Variants in TAF1D observed in about 807,000 individuals in gnomAD.
TAF1D encodes the protein TATA box-binding protein-associated factor RNA polymerase I subunit D.
TAF1D carries 23 observed loss-of-function variants against 26.2 expected under a neutral mutation model. The ratio of observed to expected loss-of-function variants is 0.88; its 90% CI spans 0.63 to 1.25. The LOEUF (loss-of-function observed/expected upper bound fraction) is 1.25, where lower values mean the gene tolerates loss of function less well. Among genes scored for constraint, TAF1D ranks in the 50% most tolerant of loss-of-function variants. TAF1D has a pLI of 0.00. For synonymous variants in TAF1D, 100 were observed against 105.6 expected (o/e 0.95, Z 0.33); for missense variants, 299 against 322.0 (o/e 0.93, Z 0.55).
intron 1 of TAF1D, 136 bp downstream of exon 1, chr11:93,741,186 G>C (rs1024460958): frequency 2.6e-6 from 1 of 383,640 alleles, no homozygotes; most frequent in African/African-American, 2.1e-5. Flanking sequence ...GCCTGCGGCC[G>C]TGATCCCTTC....
downstream of TAF1D, chr11:93,730,862 C>G: frequency 2.3e-6 from 1 of 425,658 alleles, no homozygotes; most frequent in South Asian, 1.8e-5. Flanking sequence ...AATATAAAGG[C>G]AAAGCAAATT....
chr11:93,736,525 CTTT>C, intron 5 of TAF1D, 166 bp downstream of exon 5: 1 of 1,423,898 alleles, frequency 7.0e-7, no homozygotes, highest in Non-Finnish European at 9.2e-7. Flanking sequence ...ACCCCATGTT[CTTT>C]ATCAAGTCTC....
chr11:93,738,869 CA>C (rs1019325536), intron 2 of TAF1D: 5 of 303,420 alleles, frequency 1.6e-5, no homozygotes, highest in Middle Eastern at 9.8e-4. Context: ...GCTCAGCTTA[CA>C]AAAAAACTGT....
At chr11:93,741,294 G>A (rs1378099024) in intron 1 of TAF1D, 28 bp downstream of exon 1, 1 of 456,014 alleles carries the variant, frequency 2.2e-6, no homozygotes. Flanking sequence ...CGCCAGGCCC[G>A]GACGGCCTCG....
At chr11:93,736,786 ATCT>A in intron 4 of TAF1D, 35 bp from the exon 5 acceptor site, 2 of 1,581,414 alleles carry the variant, frequency 1.3e-6, no homozygotes, top group African/African-American at 2.7e-5. Context: ...AGATGACAGA[ATCT>A]TCGATGACCT....
downstream of TAF1D, chr11:93,731,327 G>A (rs1938687923): frequency 2.9e-6 from 1 of 346,592 alleles, no homozygotes; most frequent in South Asian, 2.2e-5. Context: ...GGCACCCCAA[G>A]TAAGGTATTG....
chr11:93,733,694 G>T (rs201086870), downstream of TAF1D: 38 of 452,328 alleles, frequency 8.4e-5, no homozygotes, highest in Non-Finnish European at 1.4e-4. Flanking sequence ...GAGCCCAGGG[G>T]TTCGAGGCTA....
At position 93,741,495 on chromosome 11, in the gene TAF1D, G is replaced by T; in HGVS notation, c.-201C>A. Reference sequence around the variant, plus strand: ...CTCCTCCAACCGTGCGGAAGAAAAGGGTTGGCTATTTCCGTGGCCCAAGTA... The same window carrying T: ...CTCCTCCAACCGTGCGGAAGAAAAGTGTTGGCTATTTCCGTGGCCCAAGTA... On this transcript the variant is annotated 5_prime_UTR_variant, in exon 1 of 6. Coordinates refer to ENST00000448108, the MANE Select transcript of TAF1D (RefSeq NM_024116.4). 2.2e-6 allele frequency: 1 copy of T among 456,088 alleles called. No homozygotes were observed. The highest frequency in any genetic ancestry group is 1.5e-5 in the South Asian group (1 of 64,558). The allele number at this position is 456,088 out of a possible 1,614,324, so 28.3% of individuals were successfully genotyped here. A position where few individuals can be genotyped will look rare whatever the true frequency, so the allele number is the denominator to read the frequency against.
At chr11:93,736,966 ATTT>A in intron 4 of TAF1D, 95 bp downstream of exon 4, 1 of 1,181,904 alleles carries the variant, frequency 8.5e-7, no homozygotes, top group Non-Finnish European at 1.2e-6. Flanking sequence ...TTTGTTCATT[ATTT>A]AAGTATAACT....
chr11:93,739,282 G>T lies in TAF1D; in HGVS notation c.23C>A (p.Ser8Tyr). Residue 8 changes from serine (S) to tyrosine (Y), a missense_variant, in exon 2 of 6, where the codon TCT becomes TAT. Coordinates refer to ENST00000448108, the MANE Select transcript of TAF1D (RefSeq NM_024116.4). ...AGCATCAGATGTCACATGGTCAAGA[G>T]AATCTATTCCTGATTTATCCATCAA... MDKSGID[S>Y]LDHVTSDAVE... The T allele has an allele frequency of 6.2e-7, 1 of 1,611,954 alleles. No homozygotes were observed. Among genetic ancestry groups the T allele is most frequent in the Non-Finnish European group, 8.5e-7 (1 of 1,179,594 alleles).
chr11:93,731,176 C>T (rs563877496), downstream of TAF1D: 19 of 458,770 alleles, frequency 4.1e-5, 1 homozygote, highest in East Asian at 6.2e-4. Context: ...TCTGTCATCT[C>T]GTTTTAATAT....
chr11:93,730,578 T>A (rs564373317), downstream of TAF1D: 1 of 610,140 alleles, frequency 1.6e-6, no homozygotes. Context: ...TATAGAGAAC[T>A]TCCATCTTTG....
At chr11:93,732,055 G>A (rs773760076), downstream of TAF1D, 1 of 518,932 alleles carries the variant, frequency 1.9e-6, no homozygotes, top group Non-Finnish European at 3.8e-6. Context: ...TGTGATGGAA[G>A]CATAACCTGT....
At chr11:93,734,500 A>C (rs3737461), downstream of TAF1D, 1,731 of 388,530 alleles carry the variant, frequency 4.5e-3, 37 homozygotes, top group East Asian at 0.059. Context: ...TCTTTTCAGA[A>C]ATCAGTATAA....
chr11:93,730,237 C>A, exon 12 of TAF1D: 1 of 1,551,066 alleles, frequency 6.4e-7, no homozygotes, highest in Non-Finnish European at 8.7e-7. Flanking sequence ...ACAGAAAACA[C>A]TAGAGAAACT....
intron 1 of TAF1D, among the ~76,000 whole-genome samples, chr11:93,739,924 G>T (rs1452080757): frequency 8.0e-6 from 1 of 124,950 alleles, no homozygotes; most frequent in Non-Finnish European, 1.6e-5. Context: ...CATAATTCTT[G>T]TGTCTTCATC....
downstream of TAF1D, chr11:93,734,882 C>G (rs903850802): frequency 1.4e-5 from 11 of 791,010 alleles, no homozygotes; most frequent in Admixed American, 3.7e-5. Flanking sequence ...CAGCCTCCCC[C>G]CTTTCTGAGT....
chr11:93,739,051 TCA>T (rs1941302439), intron 2 of TAF1D, 184 bp downstream of exon 2: 1 of 567,942 alleles, frequency 1.8e-6, no homozygotes, highest in South Asian at 2.3e-5. Flanking sequence ...CATAATATAT[TCA>T]CATTTTGAAT....
At chr11:93,731,287 T>C (rs1454471842), downstream of TAF1D, 1 of 343,764 alleles carries the variant, frequency 2.9e-6, no homozygotes, top group African/African-American at 2.2e-5. Context: ...AAGAATGAGG[T>C]TGCTTAGGTT....
Sources: allele counts gnomAD v4.1 joint callset (sites outside exome capture counted in the v4.1 genomes callset), GRCh38; gene constraint gnomAD v4.1.1; transcripts MANE v1.5; gene names NCBI Gene and HGNC (gene_info 2026-07-23, HGNC 2026-07-21).